The following APBA1 variants were observed in gnomAD, a reference collection of about 807,000 sequenced individuals.
The protein encoded by APBA1 is amyloid-beta A4 precursor protein-binding family A member 1.
Under a neutral mutation model 86.6 loss-of-function variants are expected in APBA1, and 55 were observed. That is an observed-to-expected ratio of 0.64 (90% CI 0.51 to 0.80). The LOEUF (loss-of-function observed/expected upper bound fraction) is 0.80, where lower values mean the gene tolerates loss of function less well. APBA1 is among the 30% of genes least tolerant of loss of function. The pLI, the probability that APBA1 is intolerant of heterozygous loss-of-function variation, is 0.00. For missense variants in APBA1, 1,090 were observed against 1,183.0 expected (o/e 0.92, Z 1.15); for synonymous variants, 511 against 493.9 (o/e 1.03, Z -0.46).
intron 1 of APBA1, among the ~76,000 whole-genome samples, chr9:69,638,382 AG>A (rs1823221971): frequency 6.6e-6 from 1 of 152,182 alleles, no homozygotes; most frequent in South Asian, 2.1e-4. Flanking sequence ...CTGGGATTAC[AG>A]GCATGCGCCA....
At chr9:69,535,392 C>A (rs903317916) in intron 1 of APBA1, among the ~76,000 whole-genome samples, 5 of 152,168 alleles carry the variant, frequency 3.3e-5, no homozygotes, top group South Asian at 2.1e-4. Flanking sequence ...TAACTCCTAT[C>A]CCTTGGTAGT....
In APBA1 at chr9:69,517,135, C is replaced by G; in HGVS notation, c.76G>C (p.Glu26Gln). Residue 26 changes from glutamate (E) to glutamine (Q), a missense_variant, in exon 2 of 13, where the codon GAG (glutamate) becomes CAG (glutamine). Glu to Gln is a conservative substitution (Grantham distance 29). This residue lies in a region of APBA1 where 678 missense variants were observed against 647.1 expected (regional missense o/e 1.05). Transcript: ENST00000265381. ...ACCTCGGGGTGCTCCAGGTCGGCCT[C>G]CACCGACTCGTTCACCTCCCCACCT... is the stretch of plus-strand genomic sequence containing the variant. ...AAGGEVNESV[E>Q]ADLEHPEVEE... The G allele has an allele frequency of 1.3e-6, 2 of 1,569,438 alleles. No individual in the cohort carries two copies. The highest frequency in any genetic ancestry group is 1.7e-6 in the Non-Finnish European group (2 of 1,159,070).
At chr9:69,472,307 G>A (rs1028341650) in intron 3 of APBA1, among the ~76,000 whole-genome samples, 18 of 152,192 alleles carry the variant, frequency 1.2e-4, no homozygotes, top group South Asian at 4.1e-4. Flanking sequence ...AAAGGTCAGC[G>A]TTCTCACAGC....
At chr9:69,649,424 C>G (rs1280923926) in intron 1 of APBA1, among the ~76,000 whole-genome samples, 1 of 152,148 alleles carries the variant, frequency 6.6e-6, no homozygotes, top group Non-Finnish European at 1.5e-5. Flanking sequence ...CACCCTCTCC[C>G]TTCTGCCCAG....
At chr9:69,631,298 T>G (rs1446285331) in intron 1 of APBA1, among the ~76,000 whole-genome samples, 1 of 152,014 alleles carries the variant, frequency 6.6e-6, no homozygotes, top group East Asian at 1.9e-4. Context: ...AACAGACACA[T>G]GAAAAAATGC....
intron 4 of APBA1, 94 bp from the exon 5 acceptor site, chr9:69,468,062 C>G: frequency 6.7e-7 from 1 of 1,482,150 alleles, no homozygotes; most frequent in Non-Finnish European, 9.2e-7. Context: ...TGCCTCACTG[C>G]TGGCACAGGT....
intron 1 of APBA1, among the ~76,000 whole-genome samples, chr9:69,669,337 C>T (rs778385188): frequency 1.3e-5 from 2 of 151,952 alleles, no homozygotes; most frequent in African/African-American, 2.4e-5. Context: ...CTAAGTCTTC[C>T]GAAACAAACA....
chr9:69,461,401 A>G (rs1835189480), intron 5 of APBA1: 1 of 152,080 alleles, frequency 6.6e-6, no homozygotes, highest in Non-Finnish European at 1.5e-5. Flanking sequence ...CACACTCTAG[A>G]TTAGTCGTGC....
intron 1 of APBA1, among the ~76,000 whole-genome samples, chr9:69,575,262 G>A (rs1337349971): frequency 4.6e-5 from 7 of 152,136 alleles, no homozygotes; most frequent in East Asian, 1.9e-4. Flanking sequence ...TATCAATATC[G>A]TGAAAATGGC....
chr9:69,575,173 C>T (rs1821761865), intron 1 of APBA1, among the ~76,000 whole-genome samples: 1 of 152,168 alleles, frequency 6.6e-6, no homozygotes, highest in Admixed American at 6.5e-5. Context: ...TGGCCTCAGC[C>T]TCCCAAAGTA....
chr9:69,623,441 T>C (rs1319831966), intron 1 of APBA1, among the ~76,000 whole-genome samples: 2 of 152,048 alleles, frequency 1.3e-5, no homozygotes, highest in African/African-American at 4.8e-5. Flanking sequence ...CATATCCTCT[T>C]CTCAAAGAGG....
At chr9:69,576,728 G>T (rs1318462241) in intron 1 of APBA1, among the ~76,000 whole-genome samples, 1 of 152,122 alleles carries the variant, frequency 6.6e-6, no homozygotes, top group African/African-American at 2.4e-5. Flanking sequence ...AGCGGGGAGG[G>T]ATAGCATTAG....
intron 2 of APBA1, among the ~76,000 whole-genome samples, chr9:69,488,645 G>T (rs999196035): frequency 6.6e-6 from 1 of 152,240 alleles, no homozygotes; most frequent in East Asian, 1.9e-4. Flanking sequence ...CTGCCAAGAC[G>T]GGCAAGGGGT....
At chr9:69,658,295 TC>T in intron 1 of APBA1, among the ~76,000 whole-genome samples, 2 of 59,738 alleles carry the variant, frequency 3.3e-5, no homozygotes, top group African/African-American at 6.3e-5. Flanking sequence ...TCTCTCTCTT[TC>T]TCTCTCTCTC....
intron 1 of APBA1, among the ~76,000 whole-genome samples, chr9:69,523,766 A>G (rs1836300966): frequency 6.6e-6 from 1 of 151,902 alleles, no homozygotes; most frequent in African/African-American, 2.4e-5. Flanking sequence ...TTAACCACAG[A>G]CTATACATTC....
At chr9:69,434,282 C>T (rs2133783093) in intron 11 of APBA1, among the ~76,000 whole-genome samples, 1 of 152,264 alleles carries the variant, frequency 6.6e-6, no homozygotes, top group African/African-American at 2.4e-5. Flanking sequence ...GAAGGCAGTC[C>T]TGCATGTCAC....
At chr9:69,529,836 ACAACT>A (rs1178232042) in intron 1 of APBA1, among the ~76,000 whole-genome samples, 1 of 152,192 alleles carries the variant, frequency 6.6e-6, no homozygotes, top group Non-Finnish European at 1.5e-5. Context: ...AGGAACTCAA[ACAACT>A]CAACAAGAAA....
In APBA1 at chr9:69,452,253, G is replaced by C; in HGVS notation, c.1837C>G (p.Gln613Glu). Reference sequence around the variant, plus strand: ...ATCCCATTGGCCCTGAGGAATTCCTGGTATGCCACGCTAAATGCCTGTCCG... The same window carrying C: ...ATCCCATTGGCCCTGAGGAATTCCTCGTATGCCACGCTAAATGCCTGTCCG... ...SIGQAFSVAYQEFLRANGINP... is the reference protein window; with the variant it reads ...SIGQAFSVAYEEFLRANGINP... Residue 613 changes from glutamine (Q) to glutamate (E), a missense_variant, in exon 9 of 13, where the codon CAG becomes GAG. Gln to Glu is a conservative substitution (Grantham distance 29, BLOSUM62 2). Coordinates refer to ENST00000265381, the MANE Select transcript of APBA1 (RefSeq NM_001163.4). 6.2e-7 allele frequency: 1 copy of C among 1,614,216 alleles called. No individual in the cohort carries two copies. Among genetic ancestry groups the C allele is most frequent in the East Asian group, 2.2e-5 (1 of 44,886 alleles).
At chr9:69,505,696 G>A (rs1244844775) in intron 2 of APBA1, among the ~76,000 whole-genome samples, 1 of 152,066 alleles carries the variant, frequency 6.6e-6, no homozygotes, top group Non-Finnish European at 1.5e-5. Context: ...GTTGCCTATA[G>A]ACAGATCAGT....
Sources: allele counts gnomAD v4.1 joint callset (sites outside exome capture counted in the v4.1 genomes callset), GRCh38; gene constraint gnomAD v4.1.1; regional missense constraint gnomAD v4.1.1; transcripts MANE v1.5; gene names NCBI Gene and HGNC (gene_info 2026-07-23, HGNC 2026-07-21).